Variants in SNX29 observed in about 807,000 individuals in gnomAD.
SNX29 encodes the protein sorting nexin-29.
Under a neutral mutation model 102.1 loss-of-function variants are expected in SNX29, and 78 were observed. The observed-to-expected ratio is 0.76, with a 90% confidence interval of 0.64 to 0.92. The LOEUF is 0.92. Ranked by LOEUF, SNX29 falls within the 40% of genes least tolerant of loss-of-function variation. SNX29 has a pLI of 0.00. For missense variants in SNX29, 1,280 were observed against 1,061.7 expected, an observed-to-expected ratio of 1.21 and a Z score of -2.86; for synonymous variants, 580 against 414.5, an observed-to-expected ratio of 1.40 and a Z score of -4.85.
At chr16:12,381,663 A>C (rs1597166160) in intron 16 of SNX29, among the ~76,000 whole-genome samples, 10 of 3,272 alleles carry the variant, frequency 3.1e-3, no homozygotes, top group African/African-American at 2.1e-3. Flanking sequence ...CCACCCACCC[A>C]CCCCACCCAT....
intron 14 of SNX29, among the ~76,000 whole-genome samples, chr16:12,250,760 C>T (rs1346466274): frequency 2.0e-5 from 3 of 152,194 alleles, no homozygotes; most frequent in Non-Finnish European, 4.4e-5. Flanking sequence ...CTGGGTGGCT[C>T]AGGGCTGGCT....
rs1278088009 is a variant in SNX29, at chr16:12,058,804, T to G, written c.1125-2724T>G. Among the ~76,000 whole-genome samples the G allele has an allele frequency of 1.2e-3, 170 of 140,644 alleles. 1 individual carries two copies. Among genetic ancestry groups the G allele is most frequent in the Middle Eastern group, 3.4e-3 (1 of 290 alleles). The allele number at this position is 140,644 out of a possible 152,430, so 92.3% of individuals were successfully genotyped here. A position where few individuals can be genotyped will look rare whatever the true frequency, so the allele number is the denominator to read the frequency against. On this transcript the variant is annotated intron_variant, in intron 8 of 20. Transcript: ENST00000566228. ...CCACAGCACCCGGCCTGGGTTTTTT[T>G]TTTTTTTTTTTTTTTTTTTTCTCTG...
rs59431064 is a variant in SNX29 at position 12,501,724 on chromosome 16, CAAAAAAAAAAAAAA to C, written c.2179-22964_2179-22951del. 7.8e-4 allele frequency among the ~76,000 whole-genome samples: 35 copies of C among 44,928 alleles called. 1 individual carries two copies. The highest frequency in any genetic ancestry group is 2.2e-3 in the African/African-American group (31 of 13,860). 29.5% of individuals were successfully genotyped at this position (44,928 alleles called of 152,430 possible). On this transcript the variant is annotated intron_variant, in intron 19 of 20. Transcript: ENST00000566228. The stretch of plus-strand genomic sequence containing the variant: ...TGGGTGGCAGAGCAAGACACTGTCT[CAAAAAAAAAAAAAA>C]AAAAAAAAAAAAAGGCAGTGGTAAA...
intron 19 of SNX29, among the ~76,000 whole-genome samples, chr16:12,497,354 C>T (rs1418921781): frequency 6.6e-6 from 1 of 152,232 alleles, no homozygotes; most frequent in Non-Finnish European, 1.5e-5. Context: ...ACATTTCCTG[C>T]CCTCAGAGAG....
At chr16:12,462,009 A>G (rs867106359) in intron 18 of SNX29, among the ~76,000 whole-genome samples, 8 of 73,482 alleles carry the variant, frequency 1.1e-4, no homozygotes, top group African/African-American at 2.0e-4. Flanking sequence ...ATATATATAT[A>G]TATGTATACA....
rs117032917 is a variant in SNX29 at position 12,486,487 on chromosome 16, A to G, written c.2178+8628A>G. ...CTCTTACTGTTAGCCCACTTTACAA[A>G]TGGGGCAGCAGAGGTACAGGGATGT... On this transcript the variant is annotated intron_variant, in intron 19 of 20. Transcript: ENST00000566228. Among the ~76,000 whole-genome samples, 13 of 152,324 alleles carry G rather than the reference A, an allele frequency of 8.5e-5. No homozygotes were observed. The East Asian group carries it at 2.1e-3, about 25-fold the overall frequency.
chr16:12,411,517 G>C (rs1160721254), intron 18 of SNX29, among the ~76,000 whole-genome samples: 1 of 152,218 alleles, frequency 6.6e-6, no homozygotes, highest in Admixed American at 6.5e-5. Context: ...TGTCACTGCT[G>C]TCCTCTTTCT....
At chr16:12,484,513 G>A (rs1278950891) in intron 19 of SNX29, among the ~76,000 whole-genome samples, 7 of 152,232 alleles carry the variant, frequency 4.6e-5, no homozygotes, top group South Asian at 2.1e-4. Flanking sequence ...ATGGGGACTC[G>A]TTACTGTGGC....
intron 11 of SNX29, chr16:12,089,923 T>G (rs796460717): frequency 1.7e-5 from 5 of 289,910 alleles, no homozygotes; most frequent in African/African-American, 1.1e-4. Flanking sequence ...GAGTCCTGAG[T>G]TGACTTAGCG....
chr16:12,321,683 T>A (rs1207154044), intron 15 of SNX29, among the ~76,000 whole-genome samples: 5 of 152,092 alleles, frequency 3.3e-5, no homozygotes, highest in Admixed American at 1.3e-4. Flanking sequence ...TAAGTGGGCC[T>A]CCAACCAGCC....
chr16:12,313,102 C>T (rs984539828), intron 15 of SNX29, among the ~76,000 whole-genome samples: 1 of 152,066 alleles, frequency 6.6e-6, no homozygotes, highest in Admixed American at 6.5e-5. Context: ...CAACCTCCGC[C>T]TCCTGGGGTC....
chr16:12,041,346 A>G (rs537850740), intron 4 of SNX29, among the ~76,000 whole-genome samples: 1 of 152,330 alleles, frequency 6.6e-6, no homozygotes, highest in East Asian at 1.9e-4. Context: ...CCCTGACCTC[A>G]GATGATCCGC....
chr16:12,555,872 G>C (rs534977393), intron 20 of SNX29, among the ~76,000 whole-genome samples: 1 of 152,078 alleles, frequency 6.6e-6, no homozygotes, highest in Non-Finnish European at 1.5e-5. Context: ...TTCTCCAGAG[G>C]CCGTGCTTTC....
intron 13 of SNX29, among the ~76,000 whole-genome samples, chr16:12,184,686 A>AC (rs1250099957): frequency 6.6e-6 from 1 of 152,168 alleles, no homozygotes; most frequent in Admixed American, 6.5e-5. Context: ...TGAGTTTTGA[A>AC]CTGGGAGCCT....
chr16:12,550,617 C>A lies in SNX29; in HGVS notation c.2319-17889C>A, dbSNP rs543027955. ...TACGTGCTTCTATGTGTAATGTATACCTGTAGAAAGACACATTAAAAAGTA... is the reference window on the plus strand; with the variant it reads ...TACGTGCTTCTATGTGTAATGTATAACTGTAGAAAGACACATTAAAAAGTA... On this transcript the variant is annotated intron_variant, in intron 20 of 20. Coordinates refer to ENST00000566228, the MANE Select transcript of SNX29 (RefSeq NM_032167.5). 4.0e-5 allele frequency among the ~76,000 whole-genome samples: 6 copies of A among 151,454 alleles called. No homozygotes were observed. The East Asian group carries it at 9.7e-4, about 24-fold the overall frequency.
intron 20 of SNX29, among the ~76,000 whole-genome samples, chr16:12,538,062 T>C (rs1331961159): frequency 1.3e-5 from 2 of 152,000 alleles, no homozygotes; most frequent in East Asian, 1.9e-4. Flanking sequence ...TCGATCTTGG[T>C]GACAGCTTTC....
intron 20 of SNX29, among the ~76,000 whole-genome samples, chr16:12,558,087 A>T (rs993199696): frequency 1.3e-5 from 2 of 152,192 alleles, no homozygotes; most frequent in African/African-American, 4.8e-5. Flanking sequence ...ATCCCATGCA[A>T]AGTGGGGACG....
chr16:12,020,784 C>T (rs1222481407), intron 3 of SNX29, among the ~76,000 whole-genome samples: 1 of 151,946 alleles, frequency 6.6e-6, no homozygotes, highest in African/African-American at 2.4e-5. Flanking sequence ...CCACCATGCT[C>T]AGCTAATTTT....
At chr16:12,546,160 C>T (rs889806715) in intron 20 of SNX29, 1 of 152,158 alleles carries the variant, frequency 6.6e-6, no homozygotes, top group Non-Finnish European at 1.5e-5. Flanking sequence ...CACCTGGTAA[C>T]ATAGGGATGG....
Sources: allele counts gnomAD v4.1 joint callset (sites outside exome capture counted in the v4.1 genomes callset), GRCh38; gene constraint gnomAD v4.1.1; transcripts MANE v1.5; gene names NCBI Gene and HGNC (gene_info 2026-07-23, HGNC 2026-07-21).